Variants in PHLDB2 observed in about 807,000 individuals in gnomAD.
PHLDB2 encodes pleckstrin homology like domain family B member 2.
A neutral mutation model predicts 123.6 loss-of-function variants in PHLDB2; 71 were observed. The ratio of observed to expected loss-of-function variants is 0.57; its 90% CI spans 0.47 to 0.70. PHLDB2 has a LOEUF of 0.70. Ranked by LOEUF, PHLDB2 falls within the 30% of genes least tolerant of loss-of-function variation. The pLI, the probability that PHLDB2 is intolerant of heterozygous loss-of-function variation, is 0.00. For synonymous variants in PHLDB2, 547 were observed against 541.6 expected (o/e 1.01, Z -0.14); for missense variants, 1,446 against 1,519.5 (o/e 0.95, Z 0.80).
intron 1 of PHLDB2, among the ~76,000 whole-genome samples, chr3:111,764,881 A>C (rs188452419): frequency 1.7e-4 from 26 of 152,150 alleles, no homozygotes; most frequent in African/African-American, 6.0e-4. Context: ...GATGAGTCAG[A>C]CTCTGTCTTC....
chr3:111,885,557 G>T, intron 2 of PHLDB2, 145 bp downstream of exon 2: 2 of 1,064,874 alleles, frequency 1.9e-6, no homozygotes, highest in Non-Finnish European at 2.8e-6. Context: ...CTTCTCTCCT[G>T]CTATCCTTCT....
chr3:111,795,912 A>G (rs1159780738), intron 1 of PHLDB2, among the ~76,000 whole-genome samples: 3 of 150,642 alleles, frequency 2.0e-5, no homozygotes, highest in Non-Finnish European at 1.5e-5. Flanking sequence ...TTGTTTGTTT[A>G]TTTGTTTTGA....
intron 5 of PHLDB2, among the ~76,000 whole-genome samples, chr3:111,921,465 A>G (rs1391045458): frequency 6.6e-6 from 1 of 152,178 alleles, no homozygotes; most frequent in Non-Finnish European, 1.5e-5. Context: ...TCTTGGTGCC[A>G]GAGAATGAGC....
chr3:111,925,191 T>A (rs1332832793), intron 5 of PHLDB2, among the ~76,000 whole-genome samples: 1 of 152,246 alleles, frequency 6.6e-6, no homozygotes, highest in East Asian at 1.9e-4. Context: ...AAGATTGGTC[T>A]TTAGTGTTAC....
At chr3:111,737,838 ATG>A (rs137867076) in intron 1 of PHLDB2, among the ~76,000 whole-genome samples, 6,800 of 152,192 alleles carry the variant, frequency 0.045, 238 homozygotes, top group Non-Finnish European at 0.07. Context: ...GCTGGAGCTC[ATG>A]TGTACTTCTG....
chr3:111,806,087 T>C (rs768601582), intron 1 of PHLDB2, among the ~76,000 whole-genome samples: 9 of 152,146 alleles, frequency 5.9e-5, no homozygotes, highest in Non-Finnish European at 1.3e-4. Context: ...GCTGTGAAAA[T>C]GCCATAAAGA....
chr3:111,742,017 CACATCATTTGG>C (rs999244960), intron 1 of PHLDB2, among the ~76,000 whole-genome samples: 44 of 152,160 alleles, frequency 2.9e-4, no homozygotes, highest in Non-Finnish European at 5.6e-4. Context: ...CAGCAGACTG[CACATCATTTGG>C]TTAGATTGTA....
chr3:111,902,092 A>G (rs1471228887), intron 2 of PHLDB2, among the ~76,000 whole-genome samples: 1 of 152,200 alleles, frequency 6.6e-6, no homozygotes, highest in Non-Finnish European at 1.5e-5. Flanking sequence ...GGTTGATTTT[A>G]AGTAGAAAGT....
intron 1 of PHLDB2, among the ~76,000 whole-genome samples, chr3:111,872,865 A>G (rs555940727): frequency 7.9e-5 from 12 of 152,340 alleles, no homozygotes; most frequent in South Asian, 2.1e-4. Context: ...ACAAATATAC[A>G]TATACATTCA....
intron 1 of PHLDB2, among the ~76,000 whole-genome samples, chr3:111,862,005 C>T (rs2064855759): frequency 1.3e-5 from 2 of 152,104 alleles, no homozygotes; most frequent in Non-Finnish European, 1.5e-5. Context: ...CCACACCTGG[C>T]TAATTTTTCT....
Position 111,962,128 on chromosome 3 carries a change from A to C in PHLDB2, c.2893A>C (p.Ser965Arg). The change falls in exon 13 of 18, where the codon AGT becomes CGT. Residue 965 changes from serine to arginine, a missense_variant. Around this residue, in one of 3 missense-constraint regions of PHLDB2, gnomAD observed 594 missense variants for 646.0 expected, o/e 0.92. Transcript: ENST00000431670. ...MLRGYNHQQM[S>R]EGHRQKSEFY... ...CTTAGGTTATAATCACCAACAGATG[A>C]GTGAAGGACACAGGCAGAAATCTGA... is the stretch of plus-strand genomic sequence containing the variant. 1.3e-6 allele frequency: 2 copies of C among 1,579,674 alleles called. No homozygotes were observed. The highest frequency in any genetic ancestry group is 1.7e-6 in the Non-Finnish European group (2 of 1,170,938).
intron 1 of PHLDB2, among the ~76,000 whole-genome samples, chr3:111,822,303 G>GTT (rs1375184834): frequency 3.3e-5 from 5 of 149,390 alleles, no homozygotes; most frequent in Non-Finnish European, 7.4e-5. Flanking sequence ...GTATGTGTGT[G>GTT]TGTGTGTGTG....
At chr3:111,870,429 G>A (rs1290312837) in intron 1 of PHLDB2, among the ~76,000 whole-genome samples, 1 of 152,138 alleles carries the variant, frequency 6.6e-6, no homozygotes. Context: ...TGAGGATGGT[G>A]TTTGGAGAAC....
chr3:111,922,664 A>G (rs2068588689), intron 5 of PHLDB2, among the ~76,000 whole-genome samples: 1 of 152,222 alleles, frequency 6.6e-6, no homozygotes, highest in Non-Finnish European at 1.5e-5. Flanking sequence ...GTTACTACGT[A>G]TTCTTGACAA....
chr3:111,736,614 G>A (rs2059512028), intron 1 of PHLDB2, among the ~76,000 whole-genome samples: 1 of 152,116 alleles, frequency 6.6e-6, no homozygotes. Context: ...TAGGAATGGG[G>A]CCTACAAGCT....
intron 6 of PHLDB2, among the ~76,000 whole-genome samples, chr3:111,933,475 G>A (rs991168573): frequency 6.6e-6 from 1 of 152,170 alleles, no homozygotes; most frequent in African/African-American, 2.4e-5. Context: ...TCAATGTATT[G>A]CAGAAGTTGA....
chr3:111,907,935 T>C (rs1054259037), intron 2 of PHLDB2, among the ~76,000 whole-genome samples: 1 of 152,212 alleles, frequency 6.6e-6, no homozygotes. Context: ...TAGCTGAGAA[T>C]ACAGGCATGA....
At chr3:111,839,540 T>TA (rs2108540917) in intron 1 of PHLDB2, among the ~76,000 whole-genome samples, 1 of 152,382 alleles carries the variant, frequency 6.6e-6, no homozygotes, top group South Asian at 2.1e-4. Flanking sequence ...TTTAAAAAGA[T>TA]AAAGTTGATT....
At chr3:111,804,007 G>A (rs1475551830) in intron 1 of PHLDB2, among the ~76,000 whole-genome samples, 1 of 137,810 alleles carries the variant, frequency 7.3e-6, no homozygotes, top group Non-Finnish European at 1.7e-5. Flanking sequence ...TGCCTTTCCT[G>A]TCCTCTAATT....
Sources: gnomAD v4.1 joint callset for allele counts (sites outside exome capture counted in the v4.1 genomes callset) on GRCh38, gnomAD v4.1.1 for gene constraint, gnomAD v4.1.1 regional missense constraint, MANE v1.5 for transcripts, NCBI Gene and HGNC (gene_info 2026-07-23, HGNC 2026-07-21) for gene names.